PTCD2: variants seen among roughly 807,000 people sequenced by gnomAD.
PTCD2 encodes pentatricopeptide repeat-containing protein 2, mitochondrial.
A neutral mutation model predicts 42.6 loss-of-function variants in PTCD2; 31 were observed. The ratio of observed to expected loss-of-function variants is 0.73; its 90% confidence interval spans 0.55 to 0.98. The LOEUF is 0.98. Ranked by LOEUF, PTCD2 falls within the 50% of genes least tolerant of loss-of-function variation. The pLI is 0.00. For synonymous variants in PTCD2, 183 were observed against 170.9 expected, an observed-to-expected ratio of 1.07 and a Z score of -0.55; for missense variants, 476 against 454.8, an observed-to-expected ratio of 1.05 and a Z score of -0.42.
At position 72,320,717 on chromosome 5, in the gene PTCD2, G is replaced by C. The variant is rs201790887; in HGVS notation, c.127+208G>C. On this transcript the variant is annotated intron_variant, in intron 1 of 9. Transcript: ENST00000380639. ...GTGCCTGCAAATCGAAGGACTGCTGGGGTATTGACCTTGGGGCTGTAGTGC... is the reference window on the plus strand; with the variant it reads ...GTGCCTGCAAATCGAAGGACTGCTGCGGTATTGACCTTGGGGCTGTAGTGC... 1.4e-5 allele frequency: 9 copies of C among 636,144 alleles called. No homozygotes were observed. The East Asian group carries it at 2.2e-4, about 16-fold the overall frequency. 39.4% of individuals were successfully genotyped at this position (636,144 alleles called of 1,614,324 possible).
chr5:72,348,153 A>C (rs573836806), intron 8 of PTCD2, among the ~76,000 whole-genome samples: 35 of 152,294 alleles, frequency 2.3e-4, no homozygotes, highest in African/African-American at 7.9e-4. Context: ...TGCCATTCTC[A>C]AGTTTAGTAA....
intron 7 of PTCD2, among the ~76,000 whole-genome samples, chr5:72,339,863 G>A (rs1330945233): frequency 2.0e-5 from 3 of 151,978 alleles, no homozygotes; most frequent in Non-Finnish European, 1.5e-5. Context: ...TCTAATATTA[G>A]TATCTCCACC....
At chr5:72,344,861 A>G (rs1025808401) in intron 8 of PTCD2, among the ~76,000 whole-genome samples, 4 of 152,200 alleles carry the variant, frequency 2.6e-5, no homozygotes, top group African/African-American at 4.8e-5. Flanking sequence ...TGGGTCACAG[A>G]GATCACGTGC....
chr5:72,325,038 T>C (rs1460344446), intron 2 of PTCD2, among the ~76,000 whole-genome samples: 1 of 152,052 alleles, frequency 6.6e-6, no homozygotes, highest in Non-Finnish European at 1.5e-5. Context: ...TTCTTGTGCC[T>C]CAGCCTCCCT....
chr5:72,340,507 A>G (rs754477164), intron 7 of PTCD2, among the ~76,000 whole-genome samples: 1 of 152,188 alleles, frequency 6.6e-6, no homozygotes, highest in Non-Finnish European at 1.5e-5. Context: ...GTCCAGGCAT[A>G]TAACATTTAC....
rs1753051658 is a variant in PTCD2, at chr5:72,359,869, C to A, written c.*1442C>A. Reference sequence around the variant, plus strand: ...GGAAAAAGGAGCAGCTCTTAAGAAACAGAATACTAAGGGCCCCCATTACTG... The same window carrying A: ...GGAAAAAGGAGCAGCTCTTAAGAAAAAGAATACTAAGGGCCCCCATTACTG... On this transcript the variant is annotated 3_prime_UTR_variant, in exon 10 of 10. Transcript: ENST00000380639. The A allele has an allele frequency of 6.6e-6, 1 of 152,032 alleles. No homozygotes were observed. The highest frequency in any genetic ancestry group is 2.1e-4 in the South Asian group (1 of 4,824). The allele number at this position is 152,032 out of a possible 1,614,324, so 9.4% of individuals were successfully genotyped here. A position where few individuals can be genotyped will look rare whatever the true frequency, so the allele number is the denominator to read the frequency against.
chr5:72,353,057 T>G (rs544867872), intron 9 of PTCD2, among the ~76,000 whole-genome samples: 55 of 152,338 alleles, frequency 3.6e-4, no homozygotes, highest in Non-Finnish European at 3.2e-4. Context: ...TCCTTTTCCC[T>G]CAAGCCTTCA....
chr5:72,350,811 G>A (rs1752585785), intron 8 of PTCD2, among the ~76,000 whole-genome samples: 1 of 152,150 alleles, frequency 6.6e-6, no homozygotes, highest in Non-Finnish European at 1.5e-5. Flanking sequence ...TATAAAAAAG[G>A]TAAATCTCTT....
chr5:72,341,043 C>G (rs1239799199), intron 7 of PTCD2, among the ~76,000 whole-genome samples: 1 of 151,392 alleles, frequency 6.6e-6, no homozygotes, highest in East Asian at 1.9e-4. Context: ...CGGCTCACTG[C>G]AACCTCCGCC....
chr5:72,345,978 T>TCATCC (rs1338736996), intron 8 of PTCD2, among the ~76,000 whole-genome samples: 5 of 152,224 alleles, frequency 3.3e-5, no homozygotes, highest in African/African-American at 1.2e-4. Context: ...TCCTCAAATG[T>TCATCC]CATCCCACAC....
chr5:72,342,526 A>G (rs1217620713), intron 7 of PTCD2, among the ~76,000 whole-genome samples: 5 of 152,206 alleles, frequency 3.3e-5, no homozygotes, highest in Non-Finnish European at 5.9e-5. Flanking sequence ...TTTGTGAGAT[A>G]TAGAGCACTG....
intron 9 of PTCD2, among the ~76,000 whole-genome samples, chr5:72,355,357 A>G (rs529594875): frequency 6.6e-6 from 1 of 152,340 alleles, no homozygotes; most frequent in South Asian, 2.1e-4. Context: ...GAAACATCAC[A>G]TTGAACTTTA....
chr5:72,326,791 TC>T, intron 3 of PTCD2, 50 bp downstream of exon 3: 1 of 1,585,216 alleles, frequency 6.3e-7, no homozygotes, highest in Non-Finnish European at 8.6e-7. Flanking sequence ...CTTACTCTGT[TC>T]CTTTCTATGA....
Position 72,322,265 on chromosome 5 carries a change from G to A in PTCD2, c.220+1G>A. 6.5e-7 allele frequency: 1 copy of A among 1,543,662 alleles called. No individual in the cohort carries two copies. Among genetic ancestry groups the A allele is most frequent in the Non-Finnish European group, 8.9e-7 (1 of 1,117,716 alleles). On this transcript the variant is annotated splice_donor_variant, in intron 2 of 9. Coordinates refer to ENST00000380639, the MANE Select transcript of PTCD2 (RefSeq NM_024754.5). LOFTEE classifies it high-confidence loss of function. Reference sequence around the variant, plus strand: ...GCATGTAATCTTTCTGGCACTAAAGGTAATAGAATCTATTTTGTTAATTCT... The same window carrying A: ...GCATGTAATCTTTCTGGCACTAAAGATAATAGAATCTATTTTGTTAATTCT...
In PTCD2 at chr5:72,335,083, A is replaced by G; in HGVS notation, c.534A>G (p.Lys178=). Residue 178 remains lysine (K), a synonymous_variant, in exon 5 of 10, where the codon AAA becomes AAG. Transcript: ENST00000380639. ...FNILMDMLFI[K]GKYKSALQVL... ...TTTTGATGGATATGTTATTTATCAA[A>G]GGCAAATATAAAAGTAAGTACTGCA... 6.4e-7 allele frequency: 1 copy of G among 1,563,572 alleles called. No individual in the cohort carries two copies. Among genetic ancestry groups the G allele is most frequent in the Non-Finnish European group, 8.8e-7 (1 of 1,135,424 alleles).
chr5:72,332,088 A>G (rs900075394), intron 4 of PTCD2, among the ~76,000 whole-genome samples: 1 of 152,186 alleles, frequency 6.6e-6, no homozygotes, highest in East Asian at 1.9e-4. Flanking sequence ...ACTGCTTTTC[A>G]TGAGGCTGTG....
chr5:72,350,037 C>A (rs1274243744), intron 8 of PTCD2, among the ~76,000 whole-genome samples: 3 of 152,186 alleles, frequency 2.0e-5, no homozygotes, highest in Non-Finnish European at 4.4e-5. Flanking sequence ...GCTGGGGGAA[C>A]CAAGCTCCTC....
chr5:72,335,805 G>C lies in PTCD2; in HGVS notation c.559G>C (p.Val187Leu). The stretch of plus-strand genomic sequence containing the variant: ...TTCACTTTTGGCAGGTGCTTTGCAA[G>C]TATTGATAGAGATGAAAAACCAAGA... ...IKGKYKSALQ[V>L]LIEMKNQDVK... Residue 187 changes from valine to leucine, a missense_variant, in exon 6 of 10, where the codon GTA (valine) becomes CTA (leucine). By Grantham distance (32) the Val-to-Leu change is conservative. Coordinates refer to ENST00000380639, the MANE Select transcript of PTCD2 (RefSeq NM_024754.5). 1 of 1,613,222 alleles carries C rather than the reference G, an allele frequency of 6.2e-7. No homozygotes were observed. The highest frequency in any genetic ancestry group is 8.5e-7 in the Non-Finnish European group (1 of 1,179,188).
intron 8 of PTCD2, among the ~76,000 whole-genome samples, chr5:72,350,730 C>T (rs950124581): frequency 2.0e-5 from 3 of 152,188 alleles, no homozygotes; most frequent in Non-Finnish European, 4.4e-5. Context: ...GACAACCCCT[C>T]ATCCTGATAA....
Sources: allele counts gnomAD v4.1 joint callset (sites outside exome capture counted in the v4.1 genomes callset), GRCh38; gene constraint gnomAD v4.1.1; transcripts MANE v1.5; gene names NCBI Gene and HGNC (gene_info 2026-07-23, HGNC 2026-07-21).